TMEM132B: variants seen among roughly 807,000 people sequenced by gnomAD.
The protein encoded by TMEM132B is transmembrane protein 132B.
In TMEM132B, 18 loss-of-function variants were observed where a neutral mutation model predicts 90.8. The observed-to-expected ratio is 0.20, with a 90% confidence interval of 0.14 to 0.29. The LOEUF is 0.29. Ranked by LOEUF, TMEM132B falls within the 10% of genes least tolerant of loss-of-function variation. The pLI is 1.00. For missense variants in TMEM132B, 1,096 were observed against 1,326.8 expected (o/e 0.83, Z 2.70); for synonymous variants, 504 against 523.3 (o/e 0.96, Z 0.50).
chr12:125,616,284 C>T (rs1051899574), intron 5 of TMEM132B, among the ~76,000 whole-genome samples: 2 of 152,056 alleles, frequency 1.3e-5, no homozygotes, highest in African/African-American at 4.8e-5. Context: ...TTTTTTATGG[C>T]TGCATAGTAT....
intron 1 of TMEM132B, among the ~76,000 whole-genome samples, chr12:125,203,000 A>G (rs1402906380): frequency 1.3e-5 from 2 of 152,226 alleles, no homozygotes; most frequent in Non-Finnish European, 2.9e-5. Flanking sequence ...AAGGCTTCTC[A>G]GATCCCGTTG....
At chr12:125,463,837 A>G (rs1021026647) in intron 3 of TMEM132B, among the ~76,000 whole-genome samples, 6 of 152,238 alleles carry the variant, frequency 3.9e-5, no homozygotes, top group African/African-American at 1.4e-4. Context: ...AAGAGGTTTA[A>G]TTGACTCACA....
chr12:125,193,005 A>C (rs1157259404), intron 1 of TMEM132B, among the ~76,000 whole-genome samples: 2 of 152,178 alleles, frequency 1.3e-5, no homozygotes, highest in Non-Finnish European at 2.9e-5. Flanking sequence ...TGCTGATGCC[A>C]TTGTTGTGCT....
At chr12:125,579,392 C>T (rs565385811) in intron 4 of TMEM132B, among the ~76,000 whole-genome samples, 12 of 150,528 alleles carry the variant, frequency 8.0e-5, no homozygotes, top group East Asian at 2.0e-4. Context: ...GATAGAGTCT[C>T]GCTCTGTGGC....
chr12:125,314,406 C>T (rs1876205794), intron 1 of TMEM132B, among the ~76,000 whole-genome samples: 2 of 152,204 alleles, frequency 1.3e-5, no homozygotes, highest in South Asian at 4.1e-4. Flanking sequence ...GCTCAGAAGC[C>T]TGGTTTGCAA....
intron 4 of TMEM132B, among the ~76,000 whole-genome samples, chr12:125,553,318 A>C (rs1205193434): frequency 6.6e-6 from 1 of 152,234 alleles, no homozygotes; most frequent in Non-Finnish European, 1.5e-5. Flanking sequence ...GCTGGGCTGC[A>C]GGATGCAATG....
intron 1 of TMEM132B, among the ~76,000 whole-genome samples, chr12:125,328,683 C>G (rs1876665838): frequency 6.6e-6 from 1 of 152,178 alleles, no homozygotes; most frequent in African/African-American, 2.4e-5. Flanking sequence ...CTGCCTTTGT[C>G]CAATATGACC....
intron 4 of TMEM132B, among the ~76,000 whole-genome samples, chr12:125,566,897 G>T (rs1884672728): frequency 7.8e-6 from 1 of 128,846 alleles, no homozygotes; most frequent in Non-Finnish European, 1.5e-5. Flanking sequence ...ATGCTGGAGT[G>T]CAGTGGTGCG....
At chr12:125,600,779 C>G (rs146651461) in intron 5 of TMEM132B, among the ~76,000 whole-genome samples, 1,556 of 152,012 alleles carry the variant, frequency 0.01, 33 homozygotes, top group African/African-American at 0.035. Flanking sequence ...GAAAATTTAC[C>G]AAGCAAATGG....
chr12:125,528,695 C>T (rs911196719), intron 4 of TMEM132B, among the ~76,000 whole-genome samples: 7 of 152,346 alleles, frequency 4.6e-5, no homozygotes, highest in African/African-American at 1.7e-4. Context: ...AGTCAAAAAT[C>T]TCAGTATAAC....
intron 1 of TMEM132B, among the ~76,000 whole-genome samples, chr12:125,252,413 C>T (rs1874337681): frequency 6.6e-6 from 1 of 152,208 alleles, no homozygotes; most frequent in African/African-American, 2.4e-5. Context: ...GAGGCCTGCA[C>T]TCGCTGTCTC....
At chr12:125,494,112 C>T (rs1216634259) in intron 3 of TMEM132B, among the ~76,000 whole-genome samples, 2 of 134,152 alleles carry the variant, frequency 1.5e-5, no homozygotes, top group Admixed American at 7.5e-5. Flanking sequence ...CCGCATCCCT[C>T]CTCCCCCTCC....
chr12:125,470,570 C>A (rs935595673), intron 3 of TMEM132B, among the ~76,000 whole-genome samples: 3 of 152,214 alleles, frequency 2.0e-5, no homozygotes, highest in Non-Finnish European at 2.9e-5. Context: ...AACCCACTTT[C>A]TTTCCACTAA....
intron 3 of TMEM132B, among the ~76,000 whole-genome samples, chr12:125,481,350 G>C (rs1485395073): frequency 1.3e-5 from 2 of 152,196 alleles, no homozygotes; most frequent in Non-Finnish European, 2.9e-5. Context: ...TGTATATTTA[G>C]AAAACCCCAT....
chr12:125,321,524 C>T (rs891248102), intron 1 of TMEM132B, among the ~76,000 whole-genome samples: 10 of 145,804 alleles, frequency 6.9e-5, no homozygotes, highest in Non-Finnish European at 1.5e-4. Flanking sequence ...GTTGCTCAGG[C>T]TGGAGTTCAG....
chr12:125,546,072 TA>T (rs1884081772), intron 4 of TMEM132B, among the ~76,000 whole-genome samples: 1 of 152,100 alleles, frequency 6.6e-6, no homozygotes, highest in African/African-American at 2.4e-5. Flanking sequence ...ACCACTAAAA[TA>T]AAGAAACAGA....
chr12:125,325,018 A>G (rs925955206), intron 1 of TMEM132B, among the ~76,000 whole-genome samples: 6 of 152,156 alleles, frequency 3.9e-5, no homozygotes, highest in Non-Finnish European at 7.3e-5. Flanking sequence ...CTGCAACGCA[A>G]AACAGAGAGC....
Position 125,532,589 on chromosome 12 carries a change from A to G in TMEM132B, c.1293+12964A>G, listed in dbSNP as rs1045770159. On this transcript the variant is annotated intron_variant, in intron 4 of 8. Coordinates refer to ENST00000682704, the MANE Select transcript of TMEM132B (RefSeq NM_001366854.1). ...GAGTGCAGTGGTGCGATCTTGGCTC[A>G]CCACAACCTCCGCCTCCTGAATTCA... Among the ~76,000 whole-genome samples, 5 of 151,214 alleles carry G rather than the reference A, an allele frequency of 3.3e-5. No individual in the cohort carries two copies. The South Asian group carries it at 1.0e-3, about 32-fold the overall frequency.
intron 1 of TMEM132B, among the ~76,000 whole-genome samples, chr12:125,236,799 G>A (rs184376954): frequency 7.6e-4 from 116 of 152,366 alleles, no homozygotes; most frequent in African/African-American, 2.5e-3. Context: ...TGCCCTTAGG[G>A]CCTTAGATAG....
Sources: gnomAD v4.1 joint callset for allele counts (sites outside exome capture counted in the v4.1 genomes callset) on GRCh38, gnomAD v4.1.1 for gene constraint, MANE v1.5 for transcripts, NCBI Gene and HGNC (gene_info 2026-07-23, HGNC 2026-07-21) for gene names.